RABGAP1L: variants seen among roughly 807,000 people sequenced by gnomAD.
The protein encoded by RABGAP1L is rab GTPase-activating protein 1-like.
RABGAP1L carries 63 observed loss-of-function variants against 137.7 expected under a neutral mutation model. That is an observed-to-expected ratio of 0.46 (90% CI 0.37 to 0.56). The LOEUF (loss-of-function observed/expected upper bound fraction) is 0.56. RABGAP1L is among the 20% of genes least tolerant of loss of function. The pLI is 0.00. For synonymous variants in RABGAP1L, 431 were observed against 433.7 expected (o/e 0.99, Z 0.08); for missense variants, 1,095 against 1,244.0 (o/e 0.88, Z 1.80).
At chr1:174,957,343 C>CT (rs1668637480) in intron 19 of RABGAP1L, 114 bp from the exon 20 acceptor site, 4 of 772,842 alleles carry the variant, frequency 5.2e-6, no homozygotes, top group Non-Finnish European at 8.7e-6. Context: ...TTTCTCCTAA[C>CT]TTTGAGTTGA....
At chr1:174,775,973 A>G (rs1686495915) in intron 18 of RABGAP1L, among the ~76,000 whole-genome samples, 1 of 152,198 alleles carries the variant, frequency 6.6e-6, no homozygotes, top group Admixed American at 6.5e-5. Flanking sequence ...GATTCTTGCT[A>G]TTTCAGTAGA....
intron 19 of RABGAP1L, among the ~76,000 whole-genome samples, chr1:174,934,222 G>A (rs1664340828): frequency 6.6e-6 from 1 of 151,938 alleles, no homozygotes; most frequent in South Asian, 2.1e-4. Context: ...CCAAGTAGCT[G>A]GGGTTACAGG....
chr1:174,672,749 T>C (rs539484226), intron 14 of RABGAP1L, among the ~76,000 whole-genome samples: 3 of 152,252 alleles, frequency 2.0e-5, no homozygotes, highest in South Asian at 2.1e-4. Flanking sequence ...TTAATTTCCA[T>C]GTACATGTGA....
chr1:174,421,348 C>A (rs1651271417), intron 13 of RABGAP1L, among the ~76,000 whole-genome samples: 1 of 152,200 alleles, frequency 6.6e-6, no homozygotes, highest in African/African-American at 2.4e-5. Flanking sequence ...ACATTTCCAT[C>A]TTTGTTTTTT....
At chr1:174,872,793 A>C (rs974075895) in intron 19 of RABGAP1L, among the ~76,000 whole-genome samples, 4 of 151,950 alleles carry the variant, frequency 2.6e-5, no homozygotes, top group Admixed American at 2.0e-4. Flanking sequence ...CTCCTCCCTC[A>C]GCCTCCCGGG....
At chr1:174,315,781 T>C (rs1041632366) in intron 11 of RABGAP1L, among the ~76,000 whole-genome samples, 1 of 152,142 alleles carries the variant, frequency 6.6e-6, no homozygotes, top group Non-Finnish European at 1.5e-5. Flanking sequence ...TACTTGAATA[T>C]TGGTATCTTT....
At chr1:174,468,715 TTCTC>T (rs76764427) in intron 13 of RABGAP1L, among the ~76,000 whole-genome samples, 2 of 150,672 alleles carry the variant, frequency 1.3e-5, no homozygotes, top group Non-Finnish European at 1.5e-5. Context: ...ATCTACCTCT[TTCTC>T]TCTCTCTCTC....
chr1:174,199,496 T>C (rs1030151668), intron 1 of RABGAP1L, among the ~76,000 whole-genome samples: 4 of 152,172 alleles, frequency 2.6e-5, no homozygotes, highest in African/African-American at 9.7e-5. Flanking sequence ...TTCACTATTT[T>C]GACCAGGCTG....
At chr1:174,690,829 CT>C (rs572724291) in intron 15 of RABGAP1L, among the ~76,000 whole-genome samples, 3,890 of 116,898 alleles carry the variant, frequency 0.033, 33 homozygotes, top group Middle Eastern at 0.091. Flanking sequence ...CAGCATTCAT[CT>C]TTTTTTTTTT....
chr1:174,462,388 T>C lies in RABGAP1L; in HGVS notation c.1710+68243T>C, dbSNP rs534296280. Among the ~76,000 whole-genome samples the C allele has an allele frequency of 9.8e-5, 15 of 152,312 alleles. No individual in the cohort carries two copies. In the East Asian group the frequency reaches 1.5e-3, roughly 16 times the overall value. ...TTCCTTCTCCATATATGTACAATGG[T>C]TTTTTTAAACAAATTTTACATTGTT... On this transcript the variant is annotated intron_variant, in intron 13 of 25. Transcript: ENST00000681986.
intron 18 of RABGAP1L, among the ~76,000 whole-genome samples, chr1:174,790,811 A>T (rs1432013150): frequency 6.6e-6 from 1 of 150,960 alleles, no homozygotes. Context: ...GTATGTGTTT[A>T]TGTATGGTGG....
intron 13 of RABGAP1L, among the ~76,000 whole-genome samples, chr1:174,581,763 A>C (rs1250649547): frequency 6.6e-6 from 1 of 152,212 alleles, no homozygotes; most frequent in East Asian, 1.9e-4. Context: ...TGGGAGACAA[A>C]GCTCAGGTCC....
intron 13 of RABGAP1L, among the ~76,000 whole-genome samples, chr1:174,625,034 G>T (rs1282050774): frequency 6.6e-6 from 1 of 151,820 alleles, no homozygotes; most frequent in Non-Finnish European, 1.5e-5. Context: ...ACCACACCTG[G>T]CTAATTTTTG....
intron 1 of RABGAP1L, among the ~76,000 whole-genome samples, chr1:174,161,189 ATAT>A (rs971254654): frequency 2.0e-5 from 3 of 151,154 alleles, no homozygotes; most frequent in Non-Finnish European, 2.9e-5. Flanking sequence ...ATATTTTAAC[ATAT>A]TATGTAGCCT....
chr1:174,766,558 T>G (rs1422892248), intron 18 of RABGAP1L, among the ~76,000 whole-genome samples: 1 of 152,240 alleles, frequency 6.6e-6, no homozygotes, highest in African/African-American at 2.4e-5. Flanking sequence ...CTTTCAAGAT[T>G]GTTTTGGCTA....
At chr1:174,665,682 C>T (rs987052600) in intron 14 of RABGAP1L, among the ~76,000 whole-genome samples, 7 of 152,170 alleles carry the variant, frequency 4.6e-5, no homozygotes. Flanking sequence ...CCAGGCTGGT[C>T]TTGAACTCCT....
chr1:174,362,844 C>G (rs1351775182), intron 11 of RABGAP1L, among the ~76,000 whole-genome samples: 1 of 152,106 alleles, frequency 6.6e-6, no homozygotes. Context: ...CTTTTGGCAT[C>G]TTCATCATGA....
At chr1:174,702,463 T>G (rs907466295) in intron 17 of RABGAP1L, among the ~76,000 whole-genome samples, 1 of 152,186 alleles carries the variant, frequency 6.6e-6, no homozygotes, top group African/African-American at 2.4e-5. Context: ...CATATATAAT[T>G]CCTACAAAGT....
In RABGAP1L at chr1:174,194,032, T is replaced by A. The variant is rs565558067; in HGVS notation, c.-33-25093T>A. Among the ~76,000 whole-genome samples, 586 of 152,142 alleles carry A rather than the reference T, an allele frequency of 3.9e-3. 4 individuals carry two copies. The highest frequency in any genetic ancestry group is 0.012 in the African/African-American group (505 of 41,464). On this transcript the variant is annotated intron_variant, in intron 1 of 25. Transcript: ENST00000681986. ...GACCAAGTTACGTGTTCAGGGTCATTAAACTGATCCATGTAGAAGCCATGA... is the reference window on the plus strand; with the variant it reads ...GACCAAGTTACGTGTTCAGGGTCATAAAACTGATCCATGTAGAAGCCATGA...
Sources: gnomAD v4.1 joint callset for allele counts (sites outside exome capture counted in the v4.1 genomes callset) on GRCh38, gnomAD v4.1.1 for gene constraint, MANE v1.5 for transcripts, NCBI Gene and HGNC (gene_info 2026-07-23, HGNC 2026-07-21) for gene names.